GRM1: variants seen among roughly 807,000 people sequenced by gnomAD.
GRM1 encodes the protein metabotropic glutamate receptor 1.
A neutral mutation model predicts 90.9 loss-of-function variants in GRM1; 33 were observed. The ratio of observed to expected loss-of-function variants is 0.36; its 90% CI spans 0.28 to 0.49. The LOEUF (loss-of-function observed/expected upper bound fraction) is 0.49. Among genes scored for constraint, GRM1 ranks in the 20% least tolerant of loss-of-function variants. GRM1 has a pLI of 0.99. For missense variants in GRM1, 1,190 were observed against 1,534.3 expected, an observed-to-expected ratio of 0.78 and a Z score of 3.75; for synonymous variants, 700 against 613.2, an observed-to-expected ratio of 1.14 and a Z score of -2.09.
chr6:146,277,159 A>C lies in GRM1; in HGVS notation c.951-27452A>C, dbSNP rs79392160. Among the ~76,000 whole-genome samples, 21 of 152,268 alleles carry C rather than the reference A, an allele frequency of 1.4e-4. No homozygotes were observed. In the East Asian group the frequency reaches 4.1e-3, roughly 29 times the overall value. On this transcript the variant is annotated intron_variant, in intron 2 of 7. Coordinates refer to ENST00000282753, the MANE Select transcript of GRM1 (RefSeq NM_001278064.2). The stretch of plus-strand genomic sequence containing the variant: ...ATAAAATACAATAAAGTTTCCCAGC[A>C]AGTTTGGTGTGTGATTGTTTGCATA...
chr6:146,116,104 T>C lies in GRM1; in HGVS notation c.701-43244T>C, dbSNP rs556865342. ...TAGCTGGGATTAAAAGCATATGCCG[T>C]GATGCTTGGCTAATTTTTGTATTTT... is the stretch of plus-strand genomic sequence containing the variant. On this transcript the variant is annotated intron_variant, in intron 1 of 7. Coordinates refer to ENST00000282753, the MANE Select transcript of GRM1 (RefSeq NM_001278064.2). Among the ~76,000 whole-genome samples the C allele has an allele frequency of 5.0e-4, 76 of 152,096 alleles. 1 individual carries two copies. Among genetic ancestry groups the C allele is most frequent in the African/African-American group, 1.5e-3 (64 of 41,510 alleles).
At chr6:146,215,182 T>C (rs951255463) in intron 2 of GRM1, among the ~76,000 whole-genome samples, 13 of 152,226 alleles carry the variant, frequency 8.5e-5, no homozygotes, top group African/African-American at 2.9e-4. Flanking sequence ...CTTTCCAGAG[T>C]AACCAACATA....
intron 1 of GRM1, among the ~76,000 whole-genome samples, chr6:146,155,166 A>G (rs1331437311): frequency 6.6e-6 from 1 of 152,214 alleles, no homozygotes; most frequent in African/African-American, 2.4e-5. Flanking sequence ...AAATAAAGCA[A>G]TCAGTAATAT....
intron 7 of GRM1, among the ~76,000 whole-genome samples, chr6:146,431,520 G>A (rs1778406100): frequency 2.0e-5 from 3 of 152,164 alleles, no homozygotes; most frequent in Admixed American, 6.5e-5. Flanking sequence ...AAGGCAATGT[G>A]TCATTGGAAC....
chr6:146,066,275 T>C (rs1383947580), intron 1 of GRM1, among the ~76,000 whole-genome samples: 1 of 152,230 alleles, frequency 6.6e-6, no homozygotes, highest in African/African-American at 2.4e-5. Context: ...TTTGTGACTA[T>C]GTATACTCAG....
At chr6:146,320,616 T>C (rs761279038) in intron 3 of GRM1, among the ~76,000 whole-genome samples, 11 of 152,068 alleles carry the variant, frequency 7.2e-5, no homozygotes, top group Admixed American at 2.6e-4. Context: ...TTTTGGTTGG[T>C]AGGCTATTAA....
intron 2 of GRM1, among the ~76,000 whole-genome samples, chr6:146,182,238 A>T (rs1390302379): frequency 2.0e-5 from 3 of 152,152 alleles, no homozygotes; most frequent in Admixed American, 1.3e-4. Context: ...TTATTTCATT[A>T]ATAAGAAGGA....
intron 3 of GRM1, among the ~76,000 whole-genome samples, chr6:146,307,499 A>T (rs1783620258): frequency 6.6e-6 from 1 of 152,072 alleles, no homozygotes; most frequent in Non-Finnish European, 1.5e-5. Flanking sequence ...TTCGGTTTTA[A>T]TCTCTATATT....
chr6:146,206,963 T>G (rs1779517704), intron 2 of GRM1, among the ~76,000 whole-genome samples: 1 of 152,212 alleles, frequency 6.6e-6, no homozygotes, highest in African/African-American at 2.4e-5. Flanking sequence ...CCCATCCATG[T>G]TCCCACAAAA....
At chr6:146,326,210 T>C (rs776518252) in intron 3 of GRM1, among the ~76,000 whole-genome samples, 17 of 152,126 alleles carry the variant, frequency 1.1e-4, no homozygotes, top group Non-Finnish European at 2.4e-4. Flanking sequence ...TAAAGATAGA[T>C]TGCATAAAGA....
At chr6:146,197,877 G>A (rs1307574110) in intron 2 of GRM1, among the ~76,000 whole-genome samples, 1 of 152,180 alleles carries the variant, frequency 6.6e-6, no homozygotes, top group East Asian at 1.9e-4. Context: ...TAAATTTCTT[G>A]TTAGAATAAA....
chr6:146,352,122 C>T (rs561687126), intron 3 of GRM1, 128 bp from the exon 4 acceptor site: 8 of 855,860 alleles, frequency 9.3e-6, no homozygotes, highest in African/African-American at 5.0e-5. Context: ...CACAGGTGGG[C>T]GTGGCTTCTG....
intron 2 of GRM1, among the ~76,000 whole-genome samples, chr6:146,217,908 T>C (rs1779930313): frequency 6.6e-6 from 1 of 152,200 alleles, no homozygotes; most frequent in South Asian, 2.1e-4. Flanking sequence ...ATAGGCTGTA[T>C]TACAGTAGTA....
At chr6:146,153,455 C>G (rs1304131969) in intron 1 of GRM1, among the ~76,000 whole-genome samples, 3 of 152,184 alleles carry the variant, frequency 2.0e-5, no homozygotes, top group African/African-American at 7.2e-5. Flanking sequence ...ATTAGTGCTG[C>G]ACTCATGGGA....
chr6:146,257,097 A>C (rs188800811), intron 2 of GRM1, among the ~76,000 whole-genome samples: 3 of 152,246 alleles, frequency 2.0e-5, no homozygotes, highest in Non-Finnish European at 2.9e-5. Flanking sequence ...CTCTTCTGCT[A>C]TCATCTTTTC....
chr6:146,352,603 T>A, intron 4 of GRM1, 107 bp downstream of exon 4: 1 of 1,087,798 alleles, frequency 9.2e-7, no homozygotes. Flanking sequence ...GCCATGAGGA[T>A]AGATACAACT....
At chr6:146,429,701 T>C (rs1311656265) in intron 7 of GRM1, among the ~76,000 whole-genome samples, 1 of 152,150 alleles carries the variant, frequency 6.6e-6, no homozygotes, top group Non-Finnish European at 1.5e-5. Context: ...AGCAGAACTG[T>C]CCCGAAGTCT....
chr6:146,299,214 T>C (rs1266551628), intron 2 of GRM1, among the ~76,000 whole-genome samples: 1 of 152,188 alleles, frequency 6.6e-6, no homozygotes, highest in Non-Finnish European at 1.5e-5. Context: ...ATTACGTGAC[T>C]CTTTAAAAAT....
At chr6:146,146,049 T>G (rs143951703) in intron 1 of GRM1, among the ~76,000 whole-genome samples, 64 of 151,056 alleles carry the variant, frequency 4.2e-4, no homozygotes, top group African/African-American at 1.0e-3. Context: ...TCTTTTGGCT[T>G]ATTTCTTTTT....
Sources: gnomAD v4.1 joint callset for allele counts (sites outside exome capture counted in the v4.1 genomes callset) on GRCh38, gnomAD v4.1.1 for gene constraint, MANE v1.5 for transcripts, NCBI Gene and HGNC (gene_info 2026-07-23, HGNC 2026-07-21) for gene names.